The following GASK1A variants were observed in gnomAD, a reference collection of about 807,000 sequenced individuals.
GASK1A encodes the protein golgi associated kinase 1A.
In GASK1A, 40 loss-of-function variants were observed where a neutral mutation model predicts 41.2. The observed-to-expected ratio is 0.97, with a 90% CI of 0.75 to 1.27. GASK1A has a LOEUF of 1.27. Among genes scored for constraint, GASK1A ranks in the 50% most tolerant of loss-of-function variants. The pLI, the probability that GASK1A is intolerant of heterozygous loss-of-function variation, is 0.00. For missense variants in GASK1A, 678 were observed against 745.1 expected (o/e 0.91, Z 1.05); for synonymous variants, 316 against 307.1 (o/e 1.03, Z -0.30).
At chr3:42,983,438 T>A (rs1173738708) in intron 1 of GASK1A, among the ~76,000 whole-genome samples, 2 of 152,222 alleles carry the variant, frequency 1.3e-5, no homozygotes, top group East Asian at 3.9e-4. Context: ...CTAGTATAGA[T>A]GAAATTTACC....
At chr3:43,019,913 A>G (rs72869073) in intron 1 of GASK1A, among the ~76,000 whole-genome samples, 1,552 of 152,230 alleles carry the variant, frequency 0.01, 23 homozygotes, top group African/African-American at 0.031. Context: ...TCTTCTCTCC[A>G]TCTTCCCTGC....
chr3:43,056,883 A>C lies in GASK1A; in HGVS notation c.*497A>C, dbSNP rs2089718914. 6.6e-6 allele frequency: 1 copy of C among 152,306 alleles called. No individual in the cohort carries two copies. The allele number at this position is 152,306 out of a possible 1,614,324, so 9.4% of individuals were successfully genotyped here. On this transcript the variant is annotated 3_prime_UTR_variant, in exon 5 of 5. Coordinates refer to ENST00000430121, the MANE Select transcript of GASK1A (RefSeq NM_001129908.3). The stretch of plus-strand genomic sequence containing the variant: ...TGTCTTTATAGACTTTAAATTTTCA[A>C]TTATTACTCAGTTATGTTTTTGGTT...
chr3:43,048,154 C>T (rs1224048934), intron 2 of GASK1A, among the ~76,000 whole-genome samples: 1 of 152,154 alleles, frequency 6.6e-6, no homozygotes, highest in East Asian at 1.9e-4. Context: ...GCTGAATGGA[C>T]ACATATGAGA....
rs1396125761 is a variant in GASK1A at position 43,055,430 on chromosome 3, A to C, written c.1414-2A>C. 5.2e-6 allele frequency: 8 copies of C among 1,550,426 alleles called. No homozygotes were observed. The South Asian group carries it at 9.5e-5, about 18-fold the overall frequency. ...CTGTCTCTGTCCACCCTCTTCCCTG[A>C]GGTCCGGAGCAGCGATCCATCTCAC... On this transcript the variant is annotated splice_acceptor_variant, in intron 3 of 4. Coordinates refer to ENST00000430121, the MANE Select transcript of GASK1A (RefSeq NM_001129908.3). LOFTEE classifies it high-confidence loss of function.
In GASK1A at chr3:43,032,718, G is replaced by A. The variant is rs1224262774; in HGVS notation, c.455G>A (p.Gly152Asp). 1.5e-5 allele frequency: 23 copies of A among 1,551,422 alleles called. No homozygotes were observed. In the Admixed American group the frequency reaches 4.3e-4, roughly 29 times the overall value. ...EVGDPGTKDL[G>D]HPQHGSPIQE... is the part of the protein sequence containing the mutation. ...GGAGATCCAGGAACCAAAGACCTGG[G>A]CCACCCCCAGCATGGCAGTCCCATC... The change falls in exon 2 of 5, where the codon GGC (glycine) becomes GAC (aspartate). Residue 152 changes from glycine to aspartate, a missense_variant. By Grantham distance (94) the Gly-to-Asp change is moderately conservative. Transcript: ENST00000430121.
At chr3:43,015,049 C>T (rs1051201691) in intron 1 of GASK1A, among the ~76,000 whole-genome samples, 1 of 150,780 alleles carries the variant, frequency 6.6e-6, no homozygotes, top group Non-Finnish European at 1.5e-5. Flanking sequence ...GGTGAAGTCA[C>T]AGGAAGTGGC....
At chr3:43,055,637 C>G in intron 4 of GASK1A, 102 bp downstream of exon 4, 1 of 798,836 alleles carries the variant, frequency 1.3e-6, no homozygotes, top group Non-Finnish European at 2.1e-6. Context: ...AGCCCACAGT[C>G]CATCAGACAG....
chr3:43,056,080 C>T, intron 4 of GASK1A, 96 bp from the exon 5 acceptor site: 1 of 993,086 alleles, frequency 1.0e-6, no homozygotes, highest in Non-Finnish European at 1.5e-6. Flanking sequence ...CTCAGCTATG[C>T]AAGCTCTGGC....
At chr3:43,031,984 G>A (rs1034522197) in intron 1 of GASK1A, among the ~76,000 whole-genome samples, 7 of 152,220 alleles carry the variant, frequency 4.6e-5, no homozygotes, top group African/African-American at 1.7e-4. Flanking sequence ...TGTTGTAATG[G>A]CAGTTTATTC....
intron 1 of GASK1A, among the ~76,000 whole-genome samples, chr3:42,980,739 A>G (rs187661866): frequency 1.1e-4 from 17 of 152,080 alleles, no homozygotes; most frequent in Admixed American, 7.9e-4. Flanking sequence ...GGGTGTGTGT[A>G]TGTTTCACCC....
intron 1 of GASK1A, among the ~76,000 whole-genome samples, chr3:43,013,249 G>A (rs2089473144): frequency 6.6e-6 from 1 of 151,938 alleles, no homozygotes; most frequent in Admixed American, 6.5e-5. Context: ...ACAGGAAGAG[G>A]CAATGTGAAG....
chr3:43,029,144 T>A (rs2089562216), intron 1 of GASK1A, among the ~76,000 whole-genome samples: 1 of 152,020 alleles, frequency 6.6e-6, no homozygotes, highest in Non-Finnish European at 1.5e-5. Flanking sequence ...TTCAGGTGGA[T>A]GGAAAGTATC....
At chr3:43,037,104 C>A in intron 2 of GASK1A, 1 of 737,832 alleles carries the variant, frequency 1.4e-6, no homozygotes, top group Non-Finnish European at 2.3e-6. Flanking sequence ...TTGCACAACA[C>A]TAAAAGTCAG....
At chr3:43,026,270 GAGA>G (rs1298346642) in intron 1 of GASK1A, among the ~76,000 whole-genome samples, 16 of 152,220 alleles carry the variant, frequency 1.1e-4, no homozygotes, top group Admixed American at 8.5e-4. Context: ...TGGGGTAGAT[GAGA>G]AGAAGAAAGC....
intron 1 of GASK1A, among the ~76,000 whole-genome samples, chr3:42,997,649 G>C (rs78864494): frequency 0.026 from 3,896 of 152,268 alleles, 56 homozygotes; most frequent in Middle Eastern, 0.041. Flanking sequence ...CCCCCTCATA[G>C]CTTATGTTTA....
chr3:43,037,897 T>C (rs1385960959), intron 2 of GASK1A, among the ~76,000 whole-genome samples: 1 of 152,198 alleles, frequency 6.6e-6, no homozygotes, highest in Non-Finnish European at 1.5e-5. Context: ...TCTTTAAGAC[T>C]TTGATTTTTA....
intron 1 of GASK1A, among the ~76,000 whole-genome samples, chr3:42,982,872 C>G (rs534400287): frequency 1.3e-5 from 2 of 152,316 alleles, no homozygotes; most frequent in South Asian, 4.1e-4. Flanking sequence ...GCAATGGAGT[C>G]CCAGGGGAGC....
intron 1 of GASK1A, among the ~76,000 whole-genome samples, chr3:42,988,344 C>T (rs1271268003): frequency 6.6e-6 from 1 of 152,182 alleles, no homozygotes; most frequent in Non-Finnish European, 1.5e-5. Context: ...GAGCAAACAG[C>T]CTCTTCCAGA....
At chr3:43,053,979 G>A in intron 3 of GASK1A, 1 of 385,294 alleles carries the variant, frequency 2.6e-6, no homozygotes, top group Non-Finnish European at 5.0e-6. Flanking sequence ...CATCCTCGTT[G>A]TGCCAGTAAA....
Sources: gnomAD v4.1 joint callset for allele counts (sites outside exome capture counted in the v4.1 genomes callset) on GRCh38, gnomAD v4.1.1 for gene constraint, MANE v1.5 for transcripts, NCBI Gene and HGNC (gene_info 2026-07-23, HGNC 2026-07-21) for gene names.